NR1H3: variants seen among roughly 807,000 people sequenced by gnomAD.
NR1H3 encodes oxysterols receptor LXR-alpha.
Under a neutral mutation model 48.1 loss-of-function variants are expected in NR1H3, and 19 were observed. The observed-to-expected ratio is 0.40, with a 90% CI of 0.28 to 0.58. The LOEUF is 0.58. Among genes scored for constraint, NR1H3 ranks in the 20% least tolerant of loss-of-function variants. NR1H3 has a pLI of 0.50. For missense variants in NR1H3, 486 were observed against 595.9 expected (o/e 0.82, Z 1.92); for synonymous variants, 232 against 227.3 (o/e 1.02, Z -0.19).
chr11:47,259,102 G>A (rs12221497), intron 1 of NR1H3, 78 bp from the exon 2 acceptor site: 221,943 of 1,591,672 alleles, frequency 0.14, 16,759 homozygotes, highest in South Asian at 0.23. Flanking sequence ...TGATAAAAGG[G>A]AGGATCAGGT....
At chr11:47,265,121 C>T (rs1216733475) in intron 7 of NR1H3, among the ~76,000 whole-genome samples, 1 of 152,026 alleles carries the variant, frequency 6.6e-6, no homozygotes, top group Non-Finnish European at 1.5e-5. Flanking sequence ...TGGCAAAACC[C>T]CATCTCTACT....
At chr11:47,252,748 G>GCGTGTGTGTGTGTGTGTGTGTGTGTGTGT (rs1565174853) in intron 1 of NR1H3, among the ~76,000 whole-genome samples, 3 of 149,636 alleles carry the variant, frequency 2.0e-5, no homozygotes, top group Non-Finnish European at 4.4e-5. Flanking sequence ...TAATTTTTTT[G>GCGTGTGTGTGTGTGTGTGTGTGTGTGTGT]GCTTTTTTTT....
upstream of NR1H3, among the ~76,000 whole-genome samples, chr11:47,253,205 G>T (rs1395785228): frequency 6.7e-6 from 1 of 149,870 alleles, no homozygotes; most frequent in Admixed American, 6.7e-5. Context: ...CTGGACTCAA[G>T]CGATCTGCCC....
upstream of NR1H3, among the ~76,000 whole-genome samples, chr11:47,255,533 TTC>T (rs761528986): frequency 7.9e-6 from 1 of 126,726 alleles, no homozygotes; most frequent in African/African-American, 3.1e-5. Context: ...CTCTCTTTCT[TTC>T]TTTCTTTTTC....
rs1243251156 is a variant in NR1H3, at chr11:47,268,338, T to G, written c.1180T>G (p.Ser394Ala). 1 of 1,613,994 alleles carries G rather than the reference T, an allele frequency of 6.2e-7. No individual in the cohort carries two copies. The highest frequency in any genetic ancestry group is 8.5e-7 in the Non-Finnish European group (1 of 1,180,002). ...TYVEALHAYV[S>A]IHHPHDRLMF... ...TGTGGAAGCCCTGCATGCCTACGTC[T>G]CCATCCACCATCCCCATGTGAGTCT... The change falls in exon 9 of 10, where the codon TCC becomes GCC. Residue 394 changes from serine to alanine, a missense_variant. Coordinates refer to ENST00000441012, the MANE Select transcript of NR1H3 (RefSeq NM_005693.4).
At chr11:47,248,680 G>C (rs777549464), upstream of NR1H3, 23 of 1,610,648 alleles carry the variant, frequency 1.4e-5, 1 homozygote, top group Middle Eastern at 1.6e-4. Flanking sequence ...CATTACCAAG[G>C]TAACGAAGCG....
At chr11:47,267,816 ACTT>A in intron 7 of NR1H3, 94 bp from the exon 8 acceptor site, 4 of 879,890 alleles carry the variant, frequency 4.5e-6, no homozygotes, top group Admixed American at 1.9e-5. Context: ...GCCTCAGTAA[ACTT>A]CTTAGTGAGT....
Position 47,262,145 on chromosome 11 carries a change from CGAGGTGGGCA to C in NR1H3, c.988+130_988+139del, listed in dbSNP as rs930997651. On this transcript the variant is annotated intron_variant, in intron 7 of 9. Coordinates refer to ENST00000441012, the MANE Select transcript of NR1H3 (RefSeq NM_005693.4). ...CTGTAATCCCAGCACTTTGGGAGGCCGAGGTGGGCAGATCACCAGGTCAGTAGATCAAGAC... is the reference window on the plus strand; with the variant it reads ...CTGTAATCCCAGCACTTTGGGAGGCCGATCACCAGGTCAGTAGATCAAGAC... 6.1e-6 allele frequency: 4 copies of C among 653,386 alleles called. No individual in the cohort carries two copies. The African/African-American group carries it at 7.3e-5, about 12-fold the overall frequency. 40.5% of individuals were successfully genotyped at this position (653,386 alleles called of 1,614,324 possible).
At chr11:47,252,740 A>AT (rs1954766361) in intron 1 of NR1H3, among the ~76,000 whole-genome samples, 1 of 146,790 alleles carries the variant, frequency 6.8e-6, no homozygotes, top group Non-Finnish European at 1.5e-5. Flanking sequence ...CACCTGGCTA[A>AT]TTTTTTTGGC....
In NR1H3 at chr11:47,268,953, G is replaced by A. The variant is rs1565215207; in HGVS notation, c.*257G>A. On this transcript the variant is annotated 3_prime_UTR_variant, in exon 10 of 10. Coordinates refer to ENST00000441012, the MANE Select transcript of NR1H3 (RefSeq NM_005693.4). Reference sequence around the variant, plus strand: ...TGGGCCTGGGGGCCACTTTGCACAGGGTTCTCCAGAGCCCTGCCCATCCTG... The same window carrying A: ...TGGGCCTGGGGGCCACTTTGCACAGAGTTCTCCAGAGCCCTGCCCATCCTG... 2.1e-6 allele frequency: 1 copy of A among 485,322 alleles called. No homozygotes were observed. The highest frequency in any genetic ancestry group is 1.9e-5 in the African/African-American group (1 of 51,618). 30.1% of individuals were successfully genotyped at this position (485,322 alleles called of 1,614,324 possible). A position where few individuals can be genotyped will look rare whatever the true frequency, so the allele number is the denominator to read the frequency against.
Position 47,258,261 on chromosome 11 carries a change from A to G in NR1H3, c.-38+132A>G, listed in dbSNP as rs1425751161. ...GGTGATGGTGATGGAAGCTTGGGAC[A>G]GGAGCAGGACTCTGGGTCCCAGAAT... On this transcript the variant is annotated intron_variant, in intron 1 of 9. Transcript: ENST00000441012. The G allele has an allele frequency of 9.7e-6, 9 of 931,600 alleles. No individual in the cohort carries two copies. The South Asian group carries it at 3.0e-4, about 31-fold the overall frequency. 57.7% of individuals were successfully genotyped at this position (931,600 alleles called of 1,614,324 possible).
chr11:47,253,901 A>G (rs547669239), upstream of NR1H3, among the ~76,000 whole-genome samples: 1 of 152,204 alleles, frequency 6.6e-6, no homozygotes, highest in South Asian at 2.1e-4. Flanking sequence ...GGGGCTGCCA[A>G]AGTGGGAACA....
chr11:47,269,033 A>C lies in NR1H3; in HGVS notation c.*337A>C. On this transcript the variant is annotated 3_prime_UTR_variant, in exon 10 of 10. Coordinates refer to ENST00000441012, the MANE Select transcript of NR1H3 (RefSeq NM_005693.4). ...GCCCCAAGAAAAATTCTCCACTGTC[A>C]CTCTGTGGTATGGCCATAAATGCCT... is the stretch of plus-strand genomic sequence containing the variant. 3.3e-6 allele frequency: 1 copy of C among 305,864 alleles called. No homozygotes were observed. Among genetic ancestry groups the C allele is most frequent in the Non-Finnish European group, 6.2e-6 (1 of 161,364 alleles). 18.9% of individuals were successfully genotyped at this position (305,864 alleles called of 1,614,324 possible). A position where few individuals can be genotyped will look rare whatever the true frequency, so the allele number is the denominator to read the frequency against.
intron 1 of NR1H3, among the ~76,000 whole-genome samples, chr11:47,251,792 C>T (rs1194419670): frequency 6.6e-6 from 1 of 152,126 alleles, no homozygotes; most frequent in Non-Finnish European, 1.5e-5. Flanking sequence ...CTCTCAAATT[C>T]AGCTTTTGCT....
upstream of NR1H3, among the ~76,000 whole-genome samples, chr11:47,255,595 T>TTCTCTCTCTCTC (rs1183559034): frequency 1.5e-4 from 9 of 61,404 alleles, no homozygotes; most frequent in South Asian, 4.9e-3. Flanking sequence ...CTTTCTTTCT[T>TTCTCTCTCTCTC]TCTCTCTCTC....
rs1378615374 is a variant in NR1H3, at chr11:47,268,771, A to T, written c.*75A>T. Reference sequence around the variant, plus strand: ...GGTGGCTGCCTCCTAGAAGTGGAACAGACTGAGAAGGGCAAACATTCCTGG... The same window carrying T: ...GGTGGCTGCCTCCTAGAAGTGGAACTGACTGAGAAGGGCAAACATTCCTGG... On this transcript the variant is annotated 3_prime_UTR_variant, in exon 10 of 10. Coordinates refer to ENST00000441012, the MANE Select transcript of NR1H3 (RefSeq NM_005693.4). 6.5e-7 allele frequency: 1 copy of T among 1,533,998 alleles called. No individual in the cohort carries two copies. Among genetic ancestry groups the T allele is most frequent in the Non-Finnish European group, 8.8e-7 (1 of 1,131,314 alleles).
chr11:47,251,611 C>CA (rs1291514087), intron 1 of NR1H3, among the ~76,000 whole-genome samples: 172 of 142,362 alleles, frequency 1.2e-3, no homozygotes, highest in African/African-American at 2.1e-3. Context: ...GACTCTGTCT[C>CA]AAAAAAAAAA....
intron 4 of NR1H3, 30 bp from the exon 5 acceptor site, chr11:47,261,211 T>G (rs1432996337): frequency 1.5e-6 from 2 of 1,307,932 alleles, no homozygotes; most frequent in African/African-American, 3.6e-5. Flanking sequence ...CCCCATCTGC[T>G]CCCTTCCTCA....
At chr11:47,261,168 CT>C in intron 4 of NR1H3, 72 bp from the exon 5 acceptor site, 1 of 1,047,172 alleles carries the variant, frequency 9.5e-7, no homozygotes. Context: ...TCCTTCCCTC[CT>C]GTCTTTCCCC....
Sources: allele counts gnomAD v4.1 joint callset (sites outside exome capture counted in the v4.1 genomes callset), GRCh38; gene constraint gnomAD v4.1.1; transcripts MANE v1.5; gene names NCBI Gene and HGNC (gene_info 2026-07-23, HGNC 2026-07-21).